TMEM178A: variants seen among roughly 807,000 people sequenced by gnomAD.
TMEM178A encodes the protein transmembrane protein 178A, also known as transmembrane protein 178.
TMEM178A carries 12 observed loss-of-function variants against 29.1 expected under a neutral mutation model. The ratio of observed to expected loss-of-function variants is 0.41; its 90% CI spans 0.26 to 0.67. TMEM178A has a LOEUF of 0.67. Among genes scored for constraint, TMEM178A ranks in the 30% least tolerant of loss-of-function variants. TMEM178A has a pLI of 0.29. For synonymous variants in TMEM178A, 210 were observed against 187.2 expected (o/e 1.12, Z -0.99); for missense variants, 366 against 419.1 (o/e 0.87, Z 1.11).
At chr2:39,684,061 G>A (rs1030268471) in intron 1 of TMEM178A, among the ~76,000 whole-genome samples, 1 of 152,158 alleles carries the variant, frequency 6.6e-6, no homozygotes, top group African/African-American at 2.4e-5. Flanking sequence ...AAGAGTGCAT[G>A]CATCTACCTA....
chr2:39,715,123 T>TAG (rs917371476), intron 3 of TMEM178A, among the ~76,000 whole-genome samples: 1 of 152,202 alleles, frequency 6.6e-6, no homozygotes, highest in African/African-American at 2.4e-5. Flanking sequence ...CCAATGCACT[T>TAG]GGACATGAAA....
chr2:39,691,237 C>A (rs1291160880), intron 1 of TMEM178A, among the ~76,000 whole-genome samples: 1 of 152,172 alleles, frequency 6.6e-6, no homozygotes, highest in East Asian at 1.9e-4. Flanking sequence ...CCTTAATAGG[C>A]TGAACATCAA....
intron 1 of TMEM178A, among the ~76,000 whole-genome samples, chr2:39,684,074 T>C (rs529462282): frequency 1.2e-3 from 184 of 152,358 alleles, no homozygotes; most frequent in African/African-American, 4.2e-3. Context: ...TCTACCTAGT[T>C]CTGATCTGCT....
the TMEM178A span, among the ~76,000 whole-genome samples, chr2:39,728,551 C>G: frequency 1.3e-5 from 2 of 152,106 alleles, no homozygotes; most frequent in African/African-American, 4.8e-5. Flanking sequence ...ATTTGACATC[C>G]TCAAATTTTC....
At chr2:39,729,486 C>T in the TMEM178A span, among the ~76,000 whole-genome samples, 2 of 152,218 alleles carry the variant, frequency 1.3e-5, no homozygotes, top group East Asian at 1.9e-4. Flanking sequence ...TAATTCACCA[C>T]TTTGATGTAC....
At chr2:39,686,600 G>T (rs773732216) in intron 1 of TMEM178A, among the ~76,000 whole-genome samples, 21 of 151,878 alleles carry the variant, frequency 1.4e-4, no homozygotes, top group Non-Finnish European at 2.9e-4. Context: ...ATGTGCTGCA[G>T]CTCTGGGCTA....
At chr2:39,681,849 A>G (rs1012564553) in intron 1 of TMEM178A, among the ~76,000 whole-genome samples, 1 of 152,220 alleles carries the variant, frequency 6.6e-6, no homozygotes, top group Admixed American at 6.5e-5. Flanking sequence ...GACTAAGTGT[A>G]TATGATCAGG....
At chr2:39,715,091 T>C (rs1672481270) in intron 3 of TMEM178A, among the ~76,000 whole-genome samples, 1 of 152,204 alleles carries the variant, frequency 6.6e-6, no homozygotes, top group South Asian at 2.1e-4. Context: ...GAAACTAGAA[T>C]ACTTATTTCT....
chr2:39,681,471 A>G (rs1041575552), intron 1 of TMEM178A, among the ~76,000 whole-genome samples: 7 of 152,378 alleles, frequency 4.6e-5, no homozygotes, highest in African/African-American at 1.2e-4. Flanking sequence ...AGTGTTCAAT[A>G]TAGCTTAATA....
downstream of TMEM178A, among the ~76,000 whole-genome samples, chr2:39,720,204 TACTA>T (rs1672674220): frequency 6.6e-6 from 1 of 152,160 alleles, no homozygotes; most frequent in African/African-American, 2.4e-5. Flanking sequence ...GTTAAAAAAA[TACTA>T]ACTTTTTGCA....
chr2:39,701,515 T>A (rs981065205), intron 1 of TMEM178A, among the ~76,000 whole-genome samples: 1 of 152,146 alleles, frequency 6.6e-6, no homozygotes, highest in Non-Finnish European at 1.5e-5. Flanking sequence ...TTATGATATA[T>A]CTGGGTGTGG....
the TMEM178A span, among the ~76,000 whole-genome samples, chr2:39,724,856 T>C: frequency 1.3e-5 from 2 of 152,346 alleles, no homozygotes; most frequent in African/African-American, 2.4e-5. Flanking sequence ...TCCAAGTATC[T>C]ATATTCCTGC....
chr2:39,704,211 G>C lies in TMEM178A; in HGVS notation c.514+17G>C, dbSNP rs1359340089. Reference sequence around the variant, plus strand: ...ACCTGCTTCGTAAGTATTTCCAGGAGAGGTTCAGAGAGGAAATGGTGTCAT... The same window carrying C: ...ACCTGCTTCGTAAGTATTTCCAGGACAGGTTCAGAGAGGAAATGGTGTCAT... On this transcript the variant is annotated intron_variant, in intron 2 of 3. Coordinates refer to ENST00000281961, the MANE Select transcript of TMEM178A (RefSeq NM_152390.3). 1 of 1,602,226 alleles carries C rather than the reference G, an allele frequency of 6.2e-7. No individual in the cohort carries two copies. Among genetic ancestry groups the C allele is most frequent in the Non-Finnish European group, 8.6e-7 (1 of 1,169,436 alleles).
intron 2 of TMEM178A, among the ~76,000 whole-genome samples, chr2:39,706,582 C>G (rs1224397969): frequency 6.6e-6 from 1 of 152,170 alleles, no homozygotes; most frequent in African/African-American, 2.4e-5. Context: ...TTCTCCAAAG[C>G]TAGATTAAGT....
At chr2:39,719,211 G>A (rs1185659533), downstream of TMEM178A, among the ~76,000 whole-genome samples, 3 of 152,230 alleles carry the variant, frequency 2.0e-5, no homozygotes, top group East Asian at 5.8e-4. Context: ...AAGCAGGAGA[G>A]CTCTTTCTTT....
intron 3 of TMEM178A, among the ~76,000 whole-genome samples, chr2:39,711,331 T>C (rs1261130258): frequency 6.6e-6 from 1 of 152,232 alleles, no homozygotes; most frequent in African/African-American, 2.4e-5. Context: ...TTTTAAAAGG[T>C]TATTCAGTGC....
At chr2:39,710,279 T>A (rs1672247655) in intron 3 of TMEM178A, among the ~76,000 whole-genome samples, 1 of 152,266 alleles carries the variant, frequency 6.6e-6, no homozygotes, top group Non-Finnish European at 1.5e-5. Flanking sequence ...AGATACAACC[T>A]AACATTGTTA....
rs1393064996 is a variant in TMEM178A at position 39,717,866 on chromosome 2, C to G, written c.*615C>G. 6.6e-6 allele frequency: 1 copy of G among 152,620 alleles called. No individual in the cohort carries two copies. Among genetic ancestry groups the G allele is most frequent in the Admixed American group, 6.5e-5 (1 of 15,300 alleles). The allele number at this position is 152,620 out of a possible 1,614,324, so 9.5% of individuals were successfully genotyped here. On this transcript the variant is annotated 3_prime_UTR_variant, in exon 4 of 4. Transcript: ENST00000281961. ...CAGATCAAACGTGCTTAAGAGCTAA[C>G]TCGTGACACTATGCAGTATTGTTTG...
chr2:39,683,714 T>C (rs1670961555), intron 1 of TMEM178A, among the ~76,000 whole-genome samples: 1 of 152,244 alleles, frequency 6.6e-6, no homozygotes, highest in Non-Finnish European at 1.5e-5. Context: ...CACAATCGTG[T>C]ACCACTTGCA....
Sources: allele counts gnomAD v4.1 joint callset (sites outside exome capture counted in the v4.1 genomes callset), GRCh38; gene constraint gnomAD v4.1.1; transcripts MANE v1.5; gene names NCBI Gene and HGNC (gene_info 2026-07-23, HGNC 2026-07-21).